The following SHISA6 variants were observed in gnomAD, a reference collection of about 807,000 sequenced individuals.
SHISA6 encodes protein shisa-6.
A neutral mutation model predicts 47.9 loss-of-function variants in SHISA6; 22 were observed. That is an observed-to-expected ratio of 0.46 (90% CI 0.33 to 0.66). SHISA6 has a LOEUF of 0.66. SHISA6 is among the 30% of genes least tolerant of loss of function. SHISA6 has a pLI of 0.02. For missense variants in SHISA6, 680 were observed against 764.6 expected (o/e 0.89, Z 1.30); for synonymous variants, 388 against 337.8 (o/e 1.15, Z -1.63).
At chr17:11,481,368 A>G (rs8079536) in intron 3 of SHISA6, among the ~76,000 whole-genome samples, 3,421 of 75,710 alleles carry the variant, frequency 0.045, 47 homozygotes, top group African/African-American at 0.061. Context: ...GTGTGTGTGT[A>G]TATATATATA....
chr17:11,539,003 C>T (rs572846473), intron 3 of SHISA6, among the ~76,000 whole-genome samples: 16 of 152,242 alleles, frequency 1.1e-4, no homozygotes, highest in Non-Finnish European at 1.3e-4. Flanking sequence ...TGCAGTGGCA[C>T]GATCTTGACT....
intron 2 of SHISA6, among the ~76,000 whole-genome samples, chr17:11,350,418 G>A (rs969296123): frequency 6.6e-6 from 1 of 151,600 alleles, no homozygotes; most frequent in Non-Finnish European, 1.5e-5. Context: ...CTGACCTTGT[G>A]ATCCACCCAC....
At chr17:11,424,739 C>T (rs1914557057) in intron 3 of SHISA6, among the ~76,000 whole-genome samples, 2 of 151,810 alleles carry the variant, frequency 1.3e-5, no homozygotes, top group Non-Finnish European at 2.9e-5. Flanking sequence ...CAGGGTGGCT[C>T]ACGCCTGTAA....
intron 2 of SHISA6, among the ~76,000 whole-genome samples, chr17:11,326,460 G>A (rs1354496136): frequency 6.6e-6 from 1 of 152,122 alleles, no homozygotes; most frequent in African/African-American, 2.4e-5. Context: ...TCTCAATGAT[G>A]TAAATGAGAA....
At chr17:11,380,251 G>A (rs1387138243) in intron 3 of SHISA6, 1 of 152,150 alleles carries the variant, frequency 6.6e-6, no homozygotes, top group Non-Finnish European at 1.5e-5. Flanking sequence ...TGTGAATTCT[G>A]TTGTAGGGGT....
intron 3 of SHISA6, among the ~76,000 whole-genome samples, chr17:11,489,230 C>T (rs969031836): frequency 6.6e-5 from 10 of 152,206 alleles, no homozygotes; most frequent in Non-Finnish European, 1.0e-4. Flanking sequence ...CAGTGCTTCT[C>T]GGGGCCCCAA....
rs370137978 is a variant in SHISA6, at chr17:11,469,384, C to A, written c.896-82512C>A. Among the ~76,000 whole-genome samples, 8 of 152,088 alleles carry A rather than the reference C, an allele frequency of 5.3e-5. No individual in the cohort carries two copies. The East Asian group carries it at 1.5e-3, about 29-fold the overall frequency. ...TTCTAGGGGCAAAGGAATAGTCTCCCCTAGAGCCTCCAGAAAGAATGCAGC... is the reference window on the plus strand; with the variant it reads ...TTCTAGGGGCAAAGGAATAGTCTCCACTAGAGCCTCCAGAAAGAATGCAGC... On this transcript the variant is annotated intron_variant, in intron 3 of 5. Transcript: ENST00000441885.
intron 3 of SHISA6, among the ~76,000 whole-genome samples, chr17:11,462,800 G>A (rs947972387): frequency 6.6e-6 from 1 of 151,848 alleles, no homozygotes; most frequent in Non-Finnish European, 1.5e-5. Context: ...GCTAATTTTT[G>A]TATTTTTAGT....
chr17:11,300,144 T>TAAA lies in SHISA6; in HGVS notation c.799+36620_799+36622dup, dbSNP rs1278376782. 3.7e-3 allele frequency among the ~76,000 whole-genome samples: 147 copies of TAAA among 39,322 alleles called. 1 individual carries two copies. Among genetic ancestry groups the TAAA allele is most frequent in the African/African-American group, 6.6e-3 (101 of 15,360 alleles). The allele number at this position is 39,322 out of a possible 152,430, so 25.8% of individuals were successfully genotyped here. ...TGTGCGACAGAGCAAGACTCCATCT[T>TAAA]AAAACAAAAAAAAAAAAAAAAGAAA... On this transcript the variant is annotated intron_variant, in intron 2 of 5. Transcript: ENST00000441885.
chr17:11,325,394 A>G (rs561835072), intron 2 of SHISA6, among the ~76,000 whole-genome samples: 74 of 152,338 alleles, frequency 4.9e-4, no homozygotes, highest in African/African-American at 1.8e-3. Context: ...CGGCTACCCG[A>G]GGGCATTGGG....
chr17:11,412,386 C>G (rs2142273708), intron 3 of SHISA6, among the ~76,000 whole-genome samples: 1 of 152,100 alleles, frequency 6.6e-6, no homozygotes, highest in East Asian at 1.9e-4. Flanking sequence ...TGGAAGCCAC[C>G]AAATAAATGT....
At chr17:11,436,522 T>C (rs1311523278) in intron 3 of SHISA6, among the ~76,000 whole-genome samples, 5 of 152,190 alleles carry the variant, frequency 3.3e-5, no homozygotes, top group Admixed American at 2.0e-4. Context: ...CTTTATCAGA[T>C]CTCTATTATT....
rs539016214 is a variant in SHISA6, at chr17:11,258,732, G to A, written c.639-4634G>A. ...AGGATTTCATTTGGCAAAAAAGATGGCTGCTAAAATAGTGTAAAAGGTTGT... is the reference window on the plus strand; with the variant it reads ...AGGATTTCATTTGGCAAAAAAGATGACTGCTAAAATAGTGTAAAAGGTTGT... On this transcript the variant is annotated intron_variant, in intron 1 of 5. Coordinates refer to ENST00000441885, the MANE Select transcript of SHISA6 (RefSeq NM_207386.4). Among the ~76,000 whole-genome samples the A allele has an allele frequency of 2.0e-5, 3 of 152,238 alleles. No homozygotes were observed. In the South Asian group the frequency reaches 6.2e-4, roughly 32 times the overall value.
chr17:11,455,007 A>C (rs559223490), intron 3 of SHISA6, among the ~76,000 whole-genome samples: 1 of 145,848 alleles, frequency 6.9e-6, no homozygotes, highest in African/African-American at 2.7e-5. Context: ...GTCTCTACTA[A>C]AAATACAAAA....
chr17:11,358,343 A>G (rs1375477156), intron 2 of SHISA6, among the ~76,000 whole-genome samples: 1 of 151,620 alleles, frequency 6.6e-6, no homozygotes, highest in Admixed American at 6.6e-5. Flanking sequence ...AGTTTCATCC[A>G]TGTTGTAGTA....
intron 3 of SHISA6, among the ~76,000 whole-genome samples, chr17:11,413,075 G>A (rs1205541411): frequency 3.3e-5 from 5 of 152,148 alleles, no homozygotes; most frequent in Admixed American, 6.5e-5. Context: ...CCCATAGGCT[G>A]TGATTCCTAC....
At chr17:11,411,638 C>T (rs973408443) in intron 3 of SHISA6, among the ~76,000 whole-genome samples, 1 of 152,038 alleles carries the variant, frequency 6.6e-6, no homozygotes, top group Admixed American at 6.6e-5. Flanking sequence ...CTCAGATGAT[C>T]CGCCCTCCTC....
chr17:11,283,434 A>G (rs967607860), intron 2 of SHISA6, among the ~76,000 whole-genome samples: 12 of 152,136 alleles, frequency 7.9e-5, no homozygotes, highest in South Asian at 2.1e-4. Flanking sequence ...TTTTCTTTCT[A>G]TTTCTCCATC....
chr17:11,542,334 G>GGA (rs1555543591), intron 3 of SHISA6, among the ~76,000 whole-genome samples: 25 of 122,796 alleles, frequency 2.0e-4, no homozygotes, highest in Non-Finnish European at 2.6e-4. Context: ...AGTGCTACAA[G>GGA]AAAAAAAAAA....
Sources: gnomAD v4.1 joint callset for allele counts (sites outside exome capture counted in the v4.1 genomes callset) on GRCh38, gnomAD v4.1.1 for gene constraint, MANE v1.5 for transcripts, NCBI Gene and HGNC (gene_info 2026-07-23, HGNC 2026-07-21) for gene names.